The following FRMPD4 variants were observed in gnomAD, a reference collection of about 807,000 sequenced individuals.
FRMPD4 encodes FERM and PDZ domain-containing protein 4.
In FRMPD4, 22 loss-of-function variants were observed where a neutral mutation model predicts 94.1. The observed-to-expected ratio is 0.23, with a 90% CI of 0.17 to 0.33. The LOEUF (loss-of-function observed/expected upper bound fraction) is 0.33. Ranked by LOEUF, FRMPD4 falls within the 10% of genes least tolerant of loss-of-function variation. The pLI is 1.00. For missense variants in FRMPD4, 1,111 were observed against 1,339.9 expected (o/e 0.83, Z 2.67); for synonymous variants, 631 against 548.6 (o/e 1.15, Z -2.10).
In FRMPD4 at chrX:12,287,641, G is replaced by A. The variant is rs745480580; in HGVS notation, c.41+148629G>A. Among the ~76,000 whole-genome samples the A allele has an allele frequency of 6.8e-4, 76 of 111,911 alleles. 1 individual carries two copies. The highest frequency in any genetic ancestry group is 2.3e-3 in the African/African-American group (71 of 30,796). On this transcript the variant is annotated intron_variant, in intron 1 of 16. Transcript: ENST00000675598. The stretch of plus-strand genomic sequence containing the variant: ...GTTATTGAGTTGAGACCAAGAACAA[G>A]TGTTGAGTTGAGACCAAGTGTCAAG...
At chrX:11,941,197 C>T (rs2054157918) in intron 3 of FRMPD4, among the ~76,000 whole-genome samples, 1 of 57,249 alleles carries the variant, frequency 1.7e-5, no homozygotes, top group African/African-American at 5.1e-5. Flanking sequence ...CTGGCACTCC[C>T]TAGTGAGATG....
intron 3 of FRMPD4, among the ~76,000 whole-genome samples, chrX:12,041,749 A>T (rs1000944886): frequency 9.0e-6 from 1 of 110,707 alleles, no homozygotes; most frequent in Non-Finnish European, 1.9e-5. Context: ...CTCTTCCTTT[A>T]TCCTCTCCTC....
At chrX:12,350,994 T>C (rs959584008) in intron 1 of FRMPD4, among the ~76,000 whole-genome samples, 2 of 111,178 alleles carry the variant, frequency 1.8e-5, no homozygotes, top group African/African-American at 6.5e-5. Flanking sequence ...GCCAACATGG[T>C]GAAACCCCGT....
rs140159396 is a variant in FRMPD4 at position 12,521,552 on chromosome X, C to T, written c.158+22756C>T. Among the ~76,000 whole-genome samples the T allele has an allele frequency of 6.0e-4, 68 of 112,486 alleles. No homozygotes were observed. The East Asian group carries it at 0.015, about 25-fold the overall frequency. Reference sequence around the variant, plus strand: ...AGACATGACTTCAACTCCATAGGTACGATTTATAGAGTTAGGTTTAAACTC... The same window carrying T: ...AGACATGACTTCAACTCCATAGGTATGATTTATAGAGTTAGGTTTAAACTC... On this transcript the variant is annotated intron_variant, in intron 2 of 16. Coordinates refer to ENST00000675598, the MANE Select transcript of FRMPD4 (RefSeq NM_001368397.1).
intron 1 of FRMPD4, among the ~76,000 whole-genome samples, chrX:12,154,183 T>A (rs1393974618): frequency 8.9e-6 from 1 of 112,888 alleles, no homozygotes; most frequent in Non-Finnish European, 1.9e-5. Context: ...ATAATACAAC[T>A]TTGCACTTAC....
At chrX:11,890,712 G>T (rs1372464842) in intron 3 of FRMPD4, among the ~76,000 whole-genome samples, 1 of 112,730 alleles carries the variant, frequency 8.9e-6, no homozygotes, top group Non-Finnish European at 1.9e-5. Context: ...TGGAGAAGCT[G>T]AATTCAAACC....
intron 1 of FRMPD4, among the ~76,000 whole-genome samples, chrX:12,163,929 G>A (rs1024589445): frequency 9.0e-6 from 1 of 111,689 alleles, no homozygotes; most frequent in Non-Finnish European, 1.9e-5. Flanking sequence ...CATGGGATTT[G>A]GTCTCACTTG....
chrX:12,286,422 T>G (rs931375473), intron 1 of FRMPD4, among the ~76,000 whole-genome samples: 1 of 111,856 alleles, frequency 8.9e-6, no homozygotes, highest in African/African-American at 3.2e-5. Context: ...CAGTGTACAG[T>G]TTGCCTCAGA....
At chrX:12,208,068 C>A (rs914333580) in intron 1 of FRMPD4, among the ~76,000 whole-genome samples, 1 of 111,303 alleles carries the variant, frequency 9.0e-6, no homozygotes, top group Non-Finnish European at 1.9e-5. Flanking sequence ...CTAAAATAGA[C>A]CCATTGTAAG....
At chrX:11,862,273 G>A (rs1392217804) in intron 1 of FRMPD4, among the ~76,000 whole-genome samples, 1 of 111,302 alleles carries the variant, frequency 9.0e-6, no homozygotes, top group East Asian at 2.8e-4. Flanking sequence ...GGTTTCAGGT[G>A]GAAATGTAGT....
intron 3 of FRMPD4, among the ~76,000 whole-genome samples, chrX:12,053,968 T>A (rs1267762125): frequency 8.9e-6 from 1 of 111,759 alleles, no homozygotes; most frequent in Non-Finnish European, 1.9e-5. Context: ...CTGGGGAAAT[T>A]TAGCAAGGCC....
chrX:12,401,336 C>G (rs778226140), intron 1 of FRMPD4, among the ~76,000 whole-genome samples: 4 of 110,223 alleles, frequency 3.6e-5, no homozygotes, highest in African/African-American at 1.3e-4. Flanking sequence ...CCTTTTCCCC[C>G]CTCCTTCCTT....
chrX:12,278,847 C>T (rs1232571459), intron 1 of FRMPD4, among the ~76,000 whole-genome samples: 3 of 112,100 alleles, frequency 2.7e-5, no homozygotes, highest in South Asian at 3.8e-4. Flanking sequence ...CTCTGTGGAA[C>T]GTTCTATAGC....
intron 3 of FRMPD4, among the ~76,000 whole-genome samples, chrX:11,942,805 A>G (rs752901380): frequency 8.9e-6 from 1 of 112,019 alleles, no homozygotes; most frequent in South Asian, 3.7e-4. Context: ...CTAGTTCAAT[A>G]ACATTTTCAT....
intron 4 of FRMPD4, among the ~76,000 whole-genome samples, chrX:12,629,088 C>T (rs1035201583): frequency 1.8e-5 from 2 of 112,209 alleles, no homozygotes; most frequent in Non-Finnish European, 3.8e-5. Flanking sequence ...TATTTTCCAG[C>T]AGGTCCCTCC....
rs115123904 is a variant in FRMPD4 at position 12,051,518 on chromosome X, G to A, written c.95+173500G>A. Among the ~76,000 whole-genome samples the A allele has an allele frequency of 5.2e-3, 584 of 111,896 alleles. 10 individuals carry two copies. Among genetic ancestry groups the A allele is most frequent in the African/African-American group, 0.017 (531 of 30,860 alleles). ...AATACTTTATATTCCAACTTCATAA[G>A]CTTCAGTTTTATCTGTTTTAGCTTG... is the stretch of plus-strand genomic sequence containing the variant. On this transcript the variant is annotated intron_variant, in intron 3 of 18. Transcript: ENST00000640291.
intron 4 of FRMPD4, among the ~76,000 whole-genome samples, chrX:12,616,205 G>GTC (rs1171204881): frequency 1.8e-5 from 2 of 110,982 alleles, no homozygotes; most frequent in African/African-American, 6.6e-5. Context: ...AAGTCATGAG[G>GTC]TCTCTGCATC....
chrX:11,889,599 C>T (rs998228823), intron 3 of FRMPD4, among the ~76,000 whole-genome samples: 1 of 112,316 alleles, frequency 8.9e-6, no homozygotes, highest in Non-Finnish European at 1.9e-5. Flanking sequence ...TATTAATTGC[C>T]ATATAACAAA....
chrX:12,010,474 C>A (rs1023511422), intron 3 of FRMPD4, among the ~76,000 whole-genome samples: 1 of 111,730 alleles, frequency 9.0e-6, no homozygotes, highest in Non-Finnish European at 1.9e-5. Context: ...AATACAGGGT[C>A]AGCAAATGTT....
Sources: allele counts gnomAD v4.1 joint callset (sites outside exome capture counted in the v4.1 genomes callset), GRCh38; gene constraint gnomAD v4.1.1; transcripts MANE v1.5; gene names NCBI Gene and HGNC (gene_info 2026-07-23, HGNC 2026-07-21).